The following CLMN variants were observed in gnomAD, a reference collection of about 807,000 sequenced individuals.
The protein encoded by CLMN is calmin (calponin-like, transmembrane).
CLMN carries 57 observed loss-of-function variants against 92.7 expected under a neutral mutation model. That is an observed-to-expected ratio of 0.61 (90% confidence interval 0.50 to 0.77). The LOEUF is 0.77. Among genes scored for constraint, CLMN ranks in the 30% least tolerant of loss-of-function variants. CLMN has a pLI of 0.00. For missense variants in CLMN, 1,158 were observed against 1,237.5 expected, an observed-to-expected ratio of 0.94 and a Z score of 0.96; for synonymous variants, 466 against 470.6, an observed-to-expected ratio of 0.99 and a Z score of 0.13.
intron 6 of CLMN, among the ~76,000 whole-genome samples, chr14:95,212,151 G>T (rs1276637429): frequency 6.6e-6 from 1 of 152,172 alleles, no homozygotes; most frequent in African/African-American, 2.4e-5. Flanking sequence ...CACACACAGG[G>T]GATAAAGGAA....
chr14:95,198,960 C>T (rs906727851), intron 9 of CLMN: 5 of 151,994 alleles, frequency 3.3e-5, no homozygotes, highest in African/African-American at 1.2e-4. Flanking sequence ...CACAGCAGGC[C>T]ATGGAAGCAA....
intron 1 of CLMN, among the ~76,000 whole-genome samples, chr14:95,309,972 A>G (rs78508106): frequency 0.085 from 12,946 of 152,296 alleles, 708 homozygotes; most frequent in African/African-American, 0.15. Context: ...CCAAGGTTAC[A>G]GGCAAGGTTC....
Position 95,204,287 on chromosome 14 carries a change from G to T in CLMN, c.1062C>A (p.Asp354Glu). Reference protein sequence around the residue: ...HPPPSKVFVCDKPESMKEFRL... With the variant: ...HPPPSKVFVCEKPESMKEFRL... Reference sequence around the variant, plus strand: ...GGAATTCCTTCATGCTCTCGGGCTTGTCACAGACAAAGACTTTGGAGGGTG... The same window carrying T: ...GGAATTCCTTCATGCTCTCGGGCTTTTCACAGACAAAGACTTTGGAGGGTG... The change falls in exon 9 of 13, where the codon GAC becomes GAA. Residue 354 changes from aspartate (D) to glutamate (E), a missense_variant. Physicochemically the swap from Asp to Glu is conservative, Grantham distance 45 (BLOSUM62 2). Coordinates refer to ENST00000298912, the MANE Select transcript of CLMN (RefSeq NM_024734.4). The T allele has an allele frequency of 6.2e-7, 1 of 1,614,150 alleles. No individual in the cohort carries two copies. The highest frequency in any genetic ancestry group is 1.1e-5 in the South Asian group (1 of 91,074).
At chr14:95,206,248 T>C (rs1245465009) in intron 8 of CLMN, among the ~76,000 whole-genome samples, 2 of 152,094 alleles carry the variant, frequency 1.3e-5, no homozygotes, top group Admixed American at 6.5e-5. Context: ...CTTAACAGCA[T>C]AGCATCAACA....
At chr14:95,258,038 C>T (rs972939271) in intron 1 of CLMN, among the ~76,000 whole-genome samples, 1 of 148,726 alleles carries the variant, frequency 6.7e-6, no homozygotes, top group East Asian at 2.0e-4. Flanking sequence ...GAGTGTGGTG[C>T]GAGTGTGCAG....
chr14:95,293,373 CTTCCCTCCCTCCTTCCT>C (rs1900676764), intron 1 of CLMN, among the ~76,000 whole-genome samples: 1 of 54,654 alleles, frequency 1.8e-5, no homozygotes, highest in African/African-American at 5.5e-5. Flanking sequence ...TCCCTCCTTC[CTTCCCTCCCTCCTTCCT>C]TCCCTCCCTC....
chr14:95,279,365 G>A (rs1443935652), intron 1 of CLMN, among the ~76,000 whole-genome samples: 1 of 152,184 alleles, frequency 6.6e-6, no homozygotes, highest in Non-Finnish European at 1.5e-5. Context: ...CTACTTTGGA[G>A]ACATTAGATT....
intron 1 of CLMN, among the ~76,000 whole-genome samples, chr14:95,296,899 C>G (rs1032268578): frequency 6.6e-6 from 1 of 152,190 alleles, no homozygotes; most frequent in African/African-American, 2.4e-5. Flanking sequence ...AAAGTCACCC[C>G]TAGGTTTGTC....
chr14:95,225,614 C>A (rs978576603), intron 2 of CLMN, among the ~76,000 whole-genome samples: 3 of 152,218 alleles, frequency 2.0e-5, no homozygotes, highest in African/African-American at 7.2e-5. Flanking sequence ...CCTCAGCTGG[C>A]GGCCCCTTTG....
At chr14:95,233,422 T>C (rs1897953072) in intron 1 of CLMN, among the ~76,000 whole-genome samples, 1 of 151,930 alleles carries the variant, frequency 6.6e-6, no homozygotes, top group South Asian at 2.1e-4. Flanking sequence ...CATCTGTCCA[T>C]CCATCCATTC....
intron 1 of CLMN, among the ~76,000 whole-genome samples, chr14:95,242,910 AG>A (rs1898312263): frequency 6.6e-6 from 1 of 152,214 alleles, no homozygotes; most frequent in Admixed American, 6.5e-5. Context: ...TCTGACACTG[AG>A]CCAGGGCTGA....
chr14:95,275,374 G>A (rs1331608959), intron 1 of CLMN, among the ~76,000 whole-genome samples: 1 of 152,160 alleles, frequency 6.6e-6, no homozygotes, highest in African/African-American at 2.4e-5. Flanking sequence ...CAATGAAAGT[G>A]ACCTTTGGCC....
At chr14:95,269,978 G>A (rs1046653586) in intron 1 of CLMN, among the ~76,000 whole-genome samples, 3 of 151,254 alleles carry the variant, frequency 2.0e-5, no homozygotes, top group East Asian at 1.9e-4. Context: ...AAACCACCGC[G>A]ATTCGGAGAC....
intron 1 of CLMN, among the ~76,000 whole-genome samples, chr14:95,300,856 C>G (rs1901022007): frequency 6.6e-6 from 1 of 152,224 alleles, no homozygotes; most frequent in Non-Finnish European, 1.5e-5. Flanking sequence ...TTCTGTATCC[C>G]CAGTGCCTGG....
chr14:95,220,037 T>A (rs925473777), intron 4 of CLMN, among the ~76,000 whole-genome samples: 1 of 152,194 alleles, frequency 6.6e-6, no homozygotes. Flanking sequence ...GGACATTTCA[T>A]ATGAATAGAA....
At chr14:95,230,255 G>C (rs1897841714) in intron 1 of CLMN, 122 bp from the exon 2 acceptor site, 1 of 870,372 alleles carries the variant, frequency 1.1e-6, no homozygotes, top group African/African-American at 1.7e-5. Flanking sequence ...TCCCATGTAA[G>C]AACAGAGGCC....
At chr14:95,290,287 C>A (rs1034655528) in intron 1 of CLMN, among the ~76,000 whole-genome samples, 1 of 152,216 alleles carries the variant, frequency 6.6e-6, no homozygotes. Context: ...GACGCTCCCC[C>A]AAAGATGTCC....
intron 1 of CLMN, among the ~76,000 whole-genome samples, chr14:95,280,165 C>T (rs76695569): frequency 6.6e-6 from 1 of 152,208 alleles, no homozygotes; most frequent in East Asian, 1.9e-4. Flanking sequence ...GAATAAAGCA[C>T]AACAGGATTT....
At chr14:95,287,051 C>T (rs1900372038) in intron 1 of CLMN, among the ~76,000 whole-genome samples, 1 of 152,228 alleles carries the variant, frequency 6.6e-6, no homozygotes, top group Admixed American at 6.5e-5. Flanking sequence ...CATTTTGCTT[C>T]TGTCACCTTC....
Sources: allele counts gnomAD v4.1 joint callset (sites outside exome capture counted in the v4.1 genomes callset), GRCh38; gene constraint gnomAD v4.1.1; transcripts MANE v1.5; gene names NCBI Gene and HGNC (gene_info 2026-07-23, HGNC 2026-07-21).